YAP1: variants seen among roughly 807,000 people sequenced by gnomAD.
YAP1 encodes the protein transcriptional coactivator YAP1.
YAP1 carries 5 observed loss-of-function variants against 56.9 expected under a neutral mutation model. That is an observed-to-expected ratio of 0.09 (90% CI 0.05 to 0.18). The LOEUF is 0.18. Among genes scored for constraint, YAP1 ranks in the 10% least tolerant of loss-of-function variants. The pLI is 1.00. For missense variants in YAP1, 539 were observed against 651.8 expected, an observed-to-expected ratio of 0.83 and a Z score of 1.88; for synonymous variants, 265 against 248.1, an observed-to-expected ratio of 1.07 and a Z score of -0.64.
At chr11:102,220,388 A>T (rs1428669793) in intron 6 of YAP1, among the ~76,000 whole-genome samples, 1 of 152,160 alleles carries the variant, frequency 6.6e-6, no homozygotes, top group African/African-American at 2.4e-5. Flanking sequence ...TGTAATGATA[A>T]CATTCTGGAT....
chr11:102,111,737 A>C (rs1436696209), intron 1 of YAP1, among the ~76,000 whole-genome samples: 1 of 152,120 alleles, frequency 6.6e-6, no homozygotes, highest in Non-Finnish European at 1.5e-5. Flanking sequence ...GGGGAGTCAA[A>C]TAATTGTTCT....
intron 3 of YAP1, among the ~76,000 whole-genome samples, chr11:102,185,591 A>G (rs1369317959): frequency 6.6e-6 from 1 of 152,174 alleles, no homozygotes; most frequent in African/African-American, 2.4e-5. Flanking sequence ...TGTTTATGAT[A>G]TTTTCAACGT....
intron 2 of YAP1, among the ~76,000 whole-genome samples, chr11:102,115,277 CACTT>C (rs1212316807): frequency 6.6e-6 from 1 of 152,114 alleles, no homozygotes; most frequent in Non-Finnish European, 1.5e-5. Context: ...TAAAAAAGCT[CACTT>C]AATAGTGTTT....
intron 4 of YAP1, chr11:102,186,391 C>T: frequency 5.7e-6 from 2 of 348,298 alleles, no homozygotes; most frequent in Non-Finnish European, 1.0e-5. Context: ...ATCACTTGTT[C>T]CTTTCACATT....
At chr11:102,138,277 A>C (rs1373268987) in intron 2 of YAP1, among the ~76,000 whole-genome samples, 2 of 152,224 alleles carry the variant, frequency 1.3e-5, no homozygotes, top group African/African-American at 4.8e-5. Flanking sequence ...TAATTCTGTC[A>C]TTCGAGTTGG....
intron 3 of YAP1, among the ~76,000 whole-genome samples, chr11:102,178,521 T>C (rs1840156364): frequency 6.6e-6 from 1 of 152,186 alleles, no homozygotes; most frequent in Admixed American, 6.5e-5. Flanking sequence ...AAGTTAATGG[T>C]GAGTCACCTT....
chr11:102,164,741 G>A (rs113668778), intron 3 of YAP1, among the ~76,000 whole-genome samples: 5,334 of 150,924 alleles, frequency 0.035, 282 homozygotes, highest in African/African-American at 0.12. Flanking sequence ...TTTTTCTTTT[G>A]GATGGAGTTT....
chr11:102,139,405 C>T (rs1354838567), intron 2 of YAP1, among the ~76,000 whole-genome samples: 1 of 152,172 alleles, frequency 6.6e-6, no homozygotes, highest in Non-Finnish European at 1.5e-5. Context: ...GGCCAACAGT[C>T]ATTCAAGCCC....
Position 102,208,122 on chromosome 11 carries a change from C to A in YAP1, c.985-1395C>A, listed in dbSNP as rs1403587133. ...CCTAGAGAGCTCAGAGGAACTTTGC[C>A]CAGACTATTGTCTGTTCTCAGATCC... On this transcript the variant is annotated intron_variant, in intron 5 of 8. Transcript: ENST00000282441. 3.9e-5 allele frequency among the ~76,000 whole-genome samples: 6 copies of A among 152,232 alleles called. No individual in the cohort carries two copies. The East Asian group carries it at 1.2e-3, about 29-fold the overall frequency.
At chr11:102,145,156 T>C (rs1945258265) in intron 2 of YAP1, among the ~76,000 whole-genome samples, 1 of 148,164 alleles carries the variant, frequency 6.7e-6, no homozygotes, top group East Asian at 2.1e-4. Context: ...TGTGAGACTG[T>C]GACCTCTTGA....
intron 4 of YAP1, among the ~76,000 whole-genome samples, chr11:102,196,747 C>T (rs960925250): frequency 1.3e-5 from 2 of 151,110 alleles, no homozygotes; most frequent in African/African-American, 4.9e-5. Context: ...TGAATTATCC[C>T]AGTAAAGAGA....
At chr11:102,194,776 C>A (rs1031257833) in intron 4 of YAP1, among the ~76,000 whole-genome samples, 1 of 151,954 alleles carries the variant, frequency 6.6e-6, no homozygotes, top group African/African-American at 2.4e-5. Flanking sequence ...TGCATCACTT[C>A]TAAATTATAA....
chr11:102,193,051 G>A (rs976913285), intron 4 of YAP1, among the ~76,000 whole-genome samples: 10 of 152,156 alleles, frequency 6.6e-5, no homozygotes, highest in Non-Finnish European at 4.4e-5. Context: ...TAAAGATGAT[G>A]CCTTGTTGGT....
intron 5 of YAP1, among the ~76,000 whole-genome samples, chr11:102,207,376 T>C (rs1441335031): frequency 6.6e-6 from 1 of 152,162 alleles, no homozygotes; most frequent in Non-Finnish European, 1.5e-5. Flanking sequence ...AATCACAGCA[T>C]GCTAAGTATA....
At chr11:102,180,786 G>T (rs193124424) in intron 3 of YAP1, among the ~76,000 whole-genome samples, 2 of 150,802 alleles carry the variant, frequency 1.3e-5, no homozygotes, top group Admixed American at 1.3e-4. Flanking sequence ...CACAGAGAAA[G>T]AACTCTTCAT....
chr11:102,162,274 G>C (rs1946335013), intron 2 of YAP1, among the ~76,000 whole-genome samples, 182 bp from the exon 3 acceptor site: 1 of 152,170 alleles, frequency 6.6e-6, no homozygotes, highest in East Asian at 1.9e-4. Flanking sequence ...AGAGTTGAAA[G>C]TTGAGTGATT....
chr11:102,226,086 A>G (rs1261376370), intron 7 of YAP1, among the ~76,000 whole-genome samples: 1 of 152,206 alleles, frequency 6.6e-6, no homozygotes, highest in Non-Finnish European at 1.5e-5. Context: ...AAAATGTCTG[A>G]TGTGTGTCCC....
intron 3 of YAP1, among the ~76,000 whole-genome samples, chr11:102,172,229 T>C (rs543476041): frequency 8.4e-4 from 125 of 149,636 alleles, no homozygotes; most frequent in Non-Finnish European, 1.5e-3. Context: ...GGCAGATGTA[T>C]GCACTGAGTG....
At chr11:102,194,230 AC>A (rs1460270271) in intron 4 of YAP1, among the ~76,000 whole-genome samples, 1 of 152,196 alleles carries the variant, frequency 6.6e-6, no homozygotes, top group African/African-American at 2.4e-5. Context: ...TTTTGTACCA[AC>A]CCAAAGATTC....
Sources: allele counts gnomAD v4.1 joint callset (sites outside exome capture counted in the v4.1 genomes callset), GRCh38; gene constraint gnomAD v4.1.1; transcripts MANE v1.5; gene names NCBI Gene and HGNC (gene_info 2026-07-23, HGNC 2026-07-21).